NELL1: variants seen among roughly 807,000 people sequenced by gnomAD.
The protein encoded by NELL1 is protein kinase C-binding protein NELL1.
NELL1 carries 76 observed loss-of-function variants against 107.4 expected under a neutral mutation model. The observed-to-expected ratio is 0.71, with a 90% CI of 0.59 to 0.86. The LOEUF (loss-of-function observed/expected upper bound fraction) is 0.86, where lower values mean the gene tolerates loss of function less well. NELL1 is among the 40% of genes least tolerant of loss of function. The pLI, the probability that NELL1 is intolerant of heterozygous loss-of-function variation, is 0.00. For missense variants in NELL1, 1,024 were observed against 1,005.5 expected (o/e 1.02, Z -0.25); for synonymous variants, 353 against 341.2 (o/e 1.03, Z -0.38).
chr11:20,957,210 A>G (rs1851193025), intron 11 of NELL1, among the ~76,000 whole-genome samples: 1 of 152,190 alleles, frequency 6.6e-6, no homozygotes, highest in Non-Finnish European at 1.5e-5. Flanking sequence ...CCATGGGTGA[A>G]CTAGGAAAAA....
chr11:21,112,208 T>G (rs936981780), intron 12 of NELL1, among the ~76,000 whole-genome samples: 5 of 152,070 alleles, frequency 3.3e-5, no homozygotes, highest in African/African-American at 1.2e-4. Flanking sequence ...GTGGGTCTCC[T>G]TCTTAGATCT....
At chr11:20,996,699 G>A (rs1186702486) in intron 12 of NELL1, among the ~76,000 whole-genome samples, 1 of 152,114 alleles carries the variant, frequency 6.6e-6, no homozygotes, top group Non-Finnish European at 1.5e-5. Flanking sequence ...ACTTTTTTCT[G>A]TGGGCATGGG....
intron 13 of NELL1, among the ~76,000 whole-genome samples, chr11:21,220,632 T>C (rs2133871900): frequency 6.6e-6 from 1 of 152,188 alleles, no homozygotes; most frequent in South Asian, 2.1e-4. Context: ...TTGTAGCTAT[T>C]GTAAATGCAT....
intron 13 of NELL1, chr11:21,169,947 A>T: frequency 6.9e-7 from 1 of 1,459,314 alleles, no homozygotes; most frequent in South Asian, 1.1e-5. Flanking sequence ...GGCTGGACCA[A>T]GAGCCCTCTC....
At chr11:20,915,719 T>TATATATATATATATATATATA (rs1332292027) in intron 5 of NELL1, among the ~76,000 whole-genome samples, 113 of 24,174 alleles carry the variant, frequency 4.7e-3, no homozygotes, top group African/African-American at 5.9e-3. Flanking sequence ...ATATATATAT[T>TATATATATATATATATATATA]TTTTTTTTTT....
chr11:20,881,432 T>C (rs1849405092), intron 4 of NELL1, among the ~76,000 whole-genome samples: 1 of 152,122 alleles, frequency 6.6e-6, no homozygotes, highest in African/African-American at 2.4e-5. Flanking sequence ...GACTATAGGA[T>C]CTGATTTCAA....
At chr11:21,158,909 G>A (rs956716323) in intron 13 of NELL1, among the ~76,000 whole-genome samples, 10 of 151,972 alleles carry the variant, frequency 6.6e-5, no homozygotes, top group Admixed American at 2.0e-4. Context: ...CATATTGTAG[G>A]AGTATTTTTG....
intron 16 of NELL1, among the ~76,000 whole-genome samples, chr11:21,556,538 G>C (rs1378788731): frequency 6.6e-6 from 1 of 151,894 alleles, no homozygotes; most frequent in Non-Finnish European, 1.5e-5. Context: ...TTTAGGATTG[G>C]TTTGATTGCT....
At chr11:21,521,732 A>G (rs1855731339) in intron 15 of NELL1, among the ~76,000 whole-genome samples, 1 of 152,168 alleles carries the variant, frequency 6.6e-6, no homozygotes, top group Non-Finnish European at 1.5e-5. Flanking sequence ...TCAACAGTGT[A>G]TAAGTGTTCC....
intron 13 of NELL1, among the ~76,000 whole-genome samples, chr11:21,128,095 C>T (rs1478114230): frequency 2.6e-5 from 4 of 152,072 alleles, no homozygotes; most frequent in Non-Finnish European, 5.9e-5. Flanking sequence ...AGGGGAGCAT[C>T]TTAGTTTGTC....
At chr11:21,420,698 G>A (rs1852643280) in intron 15 of NELL1, among the ~76,000 whole-genome samples, 2 of 152,118 alleles carry the variant, frequency 1.3e-5, no homozygotes, top group Non-Finnish European at 2.9e-5. Context: ...GAAGACTGGA[G>A]GTTTGCTCTT....
chr11:20,771,931 T>A (rs7936287), intron 2 of NELL1, among the ~76,000 whole-genome samples: 125 of 152,324 alleles, frequency 8.2e-4, no homozygotes, highest in African/African-American at 2.9e-3. Flanking sequence ...AAAATCACTG[T>A]GCCTTTCAAT....
chr11:21,116,666 G>A (rs749537233), intron 13 of NELL1, among the ~76,000 whole-genome samples: 11 of 151,806 alleles, frequency 7.2e-5, no homozygotes, highest in African/African-American at 9.7e-5. Context: ...CTCTCCCCAG[G>A]GGTTACACTT....
intron 14 of NELL1, among the ~76,000 whole-genome samples, chr11:21,236,050 C>A (rs114993261): frequency 1.3e-5 from 2 of 151,960 alleles, no homozygotes; most frequent in South Asian, 2.1e-4. Context: ...CCCAACAGAC[C>A]AGGCCAGATG....
intron 12 of NELL1, among the ~76,000 whole-genome samples, chr11:21,022,708 T>G (rs751868401): frequency 3.3e-5 from 5 of 152,114 alleles, no homozygotes; most frequent in Admixed American, 2.6e-4. Context: ...CATCATTTAC[T>G]TTTTTGTGAC....
intron 15 of NELL1, among the ~76,000 whole-genome samples, chr11:21,399,918 T>C (rs1464996145): frequency 1.3e-5 from 2 of 151,864 alleles, no homozygotes; most frequent in Non-Finnish European, 1.5e-5. Context: ...ACTGACACCC[T>C]GACCTGGGAA....
intron 15 of NELL1, among the ~76,000 whole-genome samples, chr11:21,483,389 A>C (rs1337795414): frequency 1.3e-5 from 2 of 152,118 alleles, no homozygotes; most frequent in African/African-American, 4.8e-5. Flanking sequence ...AGTACCTGTC[A>C]ATATATGCTT....
intron 15 of NELL1, among the ~76,000 whole-genome samples, chr11:21,526,023 C>G (rs1451161621): frequency 2.6e-5 from 4 of 152,146 alleles, no homozygotes; most frequent in Admixed American, 6.5e-5. Context: ...AGCATTAACT[C>G]AGAAGTCTAA....
At chr11:20,897,233 G>A (rs1849761330) in intron 5 of NELL1, among the ~76,000 whole-genome samples, 1 of 152,138 alleles carries the variant, frequency 6.6e-6, no homozygotes, top group Admixed American at 6.6e-5. Context: ...TAATGGAACA[G>A]AACAGAGCCC....
Sources: gnomAD v4.1 joint callset for allele counts (sites outside exome capture counted in the v4.1 genomes callset) on GRCh38, gnomAD v4.1.1 for gene constraint, MANE v1.5 for transcripts, NCBI Gene and HGNC (gene_info 2026-07-23, HGNC 2026-07-21) for gene names.